The following HUWE1 variants were observed in gnomAD, a reference collection of about 807,000 sequenced individuals.
The protein encoded by HUWE1 is E3 ubiquitin-protein ligase HUWE1.
A neutral mutation model predicts 299.4 loss-of-function variants in HUWE1; 18 were observed. That is an observed-to-expected ratio of 0.06 (90% CI 0.04 to 0.09). The LOEUF is 0.09. Ranked by LOEUF, HUWE1 falls within the 10% of genes least tolerant of loss-of-function variation. HUWE1 has a pLI of 1.00. For synonymous variants in HUWE1, 1,317 were observed against 1,286.1 expected (o/e 1.02, Z -0.51); for missense variants, 1,832 against 3,462.3 (o/e 0.53, Z 11.82).
intron 73 of HUWE1, among the ~76,000 whole-genome samples, chrX:53,543,317 C>CTT (rs1394904295): frequency 9.0e-6 from 1 of 110,915 alleles, no homozygotes; most frequent in South Asian, 3.9e-4. Flanking sequence ...GACCCCAACA[C>CTT]TGAGCTGGCT....
Position 53,584,092 on chromosome X carries a change from TAATC to T in HUWE1, c.5161+90_5161+93del, listed in dbSNP as rs1186603818. 4.2e-4 allele frequency: 384 copies of T among 908,978 alleles called. 1 individual carries two copies. Among genetic ancestry groups the T allele is most frequent in the South Asian group, 1.4e-4 (7 of 50,219 alleles). The allele number at this position is 908,978 out of a possible 1,213,427, so 74.9% of individuals were successfully genotyped here. A position where few individuals can be genotyped will look rare whatever the true frequency, so the allele number is the denominator to read the frequency against. The stretch of plus-strand genomic sequence containing the variant: ...GGAGGCCTACGTATCTTTAATCTGT[TAATC>T]AAGCTGATGAAAATAACTCACAATG... On this transcript the variant is annotated intron_variant, in intron 41 of 83. Transcript: ENST00000262854.
Position 53,583,706 on chromosome X carries a change from T to C in HUWE1, c.5372A>G (p.Tyr1791Cys). Reference protein sequence around the residue: ...LCLRLTRDHKYAMMFAELKST... With the variant: ...LCLRLTRDHKCAMMFAELKST... Reference sequence around the variant, plus strand: ...CTTCAGTTCTGCAAACATCATGGCATATTTGTGGTCCCGGGTGAGCCTCAG... The same window carrying C: ...CTTCAGTTCTGCAAACATCATGGCACATTTGTGGTCCCGGGTGAGCCTCAG... The change falls in exon 42 of 84, where the codon TAT (tyrosine) becomes TGT (cysteine). Residue 1791 changes from tyrosine to cysteine, a missense_variant. Transcript: ENST00000262854. 1 of 1,211,041 alleles carries C rather than the reference T, an allele frequency of 8.3e-7. No individual in the cohort carries two copies. Among genetic ancestry groups the C allele is most frequent in the Non-Finnish European group, 1.1e-6 (1 of 895,124 alleles).
intron 4 of HUWE1, among the ~76,000 whole-genome samples, chrX:53,651,369 ATTTTTAAGTAGAGTAGT>A (rs2149325095): frequency 9.0e-6 from 1 of 111,100 alleles, no homozygotes; most frequent in East Asian, 2.8e-4. Flanking sequence ...CTCGTAACAA[ATTTTTAAGTAGAGTAGT>A]CCCTCTGTAT....
At chrX:53,603,287 C>A (rs1048988311) in intron 27 of HUWE1, 81 bp downstream of exon 27, 5 of 1,031,146 alleles carry the variant, frequency 4.8e-6, no homozygotes, top group Non-Finnish European at 6.7e-6. Context: ...CTTCCATACC[C>A]TCCTATCCCC....
chrX:53,565,830 C>T (rs2062504705), intron 49 of HUWE1, among the ~76,000 whole-genome samples: 1 of 109,343 alleles, frequency 9.1e-6, no homozygotes. Context: ...TGGGGTTTCG[C>T]CATGTTGCTC....
At chrX:53,622,148 T>C (rs782524345) in intron 19 of HUWE1, among the ~76,000 whole-genome samples, 18 of 111,229 alleles carry the variant, frequency 1.6e-4, no homozygotes, top group African/African-American at 5.9e-4. Context: ...ATATTAAACT[T>C]CCCCCTTAAG....
intron 7 of HUWE1, among the ~76,000 whole-genome samples, chrX:53,635,249 A>C (rs782568588): frequency 0.012 from 1,281 of 109,520 alleles, 12 homozygotes; most frequent in Non-Finnish European, 0.018. Flanking sequence ...AATTATAAAT[A>C]TGTAAATTAT....
In HUWE1 at chrX:53,583,621, C is replaced by G. The variant is rs1556970110; in HGVS notation, c.5457G>C (p.Leu1819=). The G allele has an allele frequency of 1.7e-6, 2 of 1,211,030 alleles. No homozygotes were observed. The highest frequency in any genetic ancestry group is 2.2e-6 in the Non-Finnish European group (2 of 895,022). The change falls in exon 42 of 84, where the codon CTG becomes CTC. Residue 1819 remains leucine (L), a synonymous_variant. Coordinates refer to ENST00000262854, the MANE Select transcript of HUWE1 (RefSeq NM_031407.7). ...TGATGTGTCTTAAGAGAAGGGTGAC[C>G]AGGGGAGTAAACCCATTGAAGCCTG... ...QSSGFNGFTP[L]VTLLLRHIIE...
At position 53,628,728 on chromosome X, in the gene HUWE1, A is replaced by G. The variant is rs781788335; in HGVS notation, c.1114+24T>C. 23 of 1,208,725 alleles carry G rather than the reference A, an allele frequency of 1.9e-5. No homozygotes were observed. In the East Asian group the frequency reaches 5.0e-4, roughly 26 times the overall value. On this transcript the variant is annotated intron_variant, in intron 14 of 83. Coordinates refer to ENST00000262854, the MANE Select transcript of HUWE1 (RefSeq NM_031407.7). ...AGAGGGCAAATGTTTCTTCTTGCCT[A>G]AGATAATCACCATCAAAACTTACCA...
At chrX:53,537,269 A>AAT (rs2033104441) in intron 78 of HUWE1, 2 of 355,106 alleles carry the variant, frequency 5.6e-6, no homozygotes, top group Non-Finnish European at 1.0e-5. Flanking sequence ...CTAGTATAGC[A>AAT]ATATTAAAGC....
rs200072128 is a variant in HUWE1, at chrX:53,552,327, T to C, written c.8865A>G (p.Glu2955=). The C allele has an allele frequency of 6.4e-5, 78 of 1,209,676 alleles. 1 individual carries two copies. The East Asian group carries it at 1.7e-3, about 27-fold the overall frequency. Residue 2955 remains glutamate (E), a synonymous_variant, in exon 63 of 84, where the codon GAA becomes GAG. Coordinates refer to ENST00000262854, the MANE Select transcript of HUWE1 (RefSeq NM_031407.7). ...GGAACTCACCCGCAAGGGGATCTTC[T>C]TCTTCACTGCTTGTTGAAGGCAACG... ...EEPLPSTSSE[E]EDPLAGISLP...
chrX:53,591,148 A>G lies in HUWE1; in HGVS notation c.3973-26T>C, dbSNP rs374847397. The G allele has an allele frequency of 3.3e-6, 4 of 1,205,446 alleles. No homozygotes were observed. The South Asian group carries it at 7.1e-5, about 21-fold the overall frequency. ...CTACATAAAGAATGCAAGGGCTCAG[A>G]ATCACATAACGGAAATCCAAATACA... is the stretch of plus-strand genomic sequence containing the variant. On this transcript the variant is annotated intron_variant, in intron 33 of 83. Coordinates refer to ENST00000262854, the MANE Select transcript of HUWE1 (RefSeq NM_031407.7).
intron 26 of HUWE1, among the ~76,000 whole-genome samples, chrX:53,603,888 G>GA (rs2065019941): frequency 8.9e-6 from 1 of 111,770 alleles, no homozygotes; most frequent in Non-Finnish European, 1.9e-5. Flanking sequence ...TTAATTCCTT[G>GA]AATGTTTCAT....
intron 17 of HUWE1, 87 bp downstream of exon 17, chrX:53,627,323 T>C: frequency 1.6e-6 from 1 of 607,937 alleles, no homozygotes; most frequent in Non-Finnish European, 2.7e-6. Flanking sequence ...ATTGTGTACT[T>C]TGGAATTTAT....
At chrX:53,633,941 T>TA (rs1158710107) in intron 8 of HUWE1, among the ~76,000 whole-genome samples, 15 of 111,824 alleles carry the variant, frequency 1.3e-4, no homozygotes, top group Admixed American at 7.6e-4. Flanking sequence ...TTCTGGGATT[T>TA]AAAAAAAATC....
intron 3 of HUWE1, among the ~76,000 whole-genome samples, chrX:53,672,694 C>T: frequency 8.9e-6 from 1 of 111,810 alleles, no homozygotes. Flanking sequence ...TTGTTGGATC[C>T]AGCTGATGGT....
rs782203778 is a variant in HUWE1 at position 53,534,506 on chromosome X, AG to A, written c.12831+9del. The A allele has an allele frequency of 8.3e-7, 1 of 1,200,837 alleles. No homozygotes were observed. Among genetic ancestry groups the A allele is most frequent in the Admixed American group, 2.2e-5 (1 of 45,425 alleles). ...GGACCATATGAGGAGGGATGCCAGC[AG>A]CAGCTCACCTGAATAGAGTTGGACT... On this transcript the variant is annotated intron_variant, in intron 82 of 83. Transcript: ENST00000262854.
intron 40 of HUWE1, 77 bp downstream of exon 40, chrX:53,584,935 G>T: frequency 1.9e-6 from 2 of 1,065,408 alleles, no homozygotes; most frequent in Non-Finnish European, 2.6e-6. Flanking sequence ...GTGGTGTTGG[G>T]CTGCATTCAA....
rs782271618 is a variant in HUWE1 at position 53,559,468 on chromosome X, G to A, written c.7801C>T (p.Arg2601Trp). 2 of 1,209,154 alleles carry A rather than the reference G, an allele frequency of 1.7e-6. No homozygotes were observed. Among genetic ancestry groups the A allele is most frequent in the Non-Finnish European group, 2.2e-6 (2 of 894,723 alleles). ...QLSSSLPLQSRGRARLLVGND... is the reference protein window; with the variant it reads ...QLSSSLPLQSWGRARLLVGND... ...CCTACCAGGAGGCGGGCCCGACCCC[G>A]GCTTTGTAGGGGAAGGCTGCTGCTC... is the stretch of plus-strand genomic sequence containing the variant. Residue 2601 changes from arginine (R) to tryptophan (W), a missense_variant, in exon 57 of 84, where the codon CGG (arginine) becomes TGG (tryptophan). Transcript: ENST00000262854.
Sources: allele counts gnomAD v4.1 joint callset (sites outside exome capture counted in the v4.1 genomes callset), GRCh38; gene constraint gnomAD v4.1.1; transcripts MANE v1.5; gene names NCBI Gene and HGNC (gene_info 2026-07-23, HGNC 2026-07-21).